Variants in SEPTIN11 observed in about 807,000 individuals in gnomAD.
SEPTIN11 encodes septin 11.
SEPTIN11 carries 25 observed loss-of-function variants against 51.4 expected under a neutral mutation model. The observed-to-expected ratio is 0.49, with a 90% CI of 0.35 to 0.68. SEPTIN11 has a LOEUF of 0.68. Among genes scored for constraint, SEPTIN11 ranks in the 30% least tolerant of loss-of-function variants. SEPTIN11 has a pLI of 0.00. For synonymous variants in SEPTIN11, 174 were observed against 184.1 expected (o/e 0.95, Z 0.44); for missense variants, 381 against 520.8 (o/e 0.73, Z 2.61).
chr4:76,950,390 G>A (rs1446197000), intron 1 of SEPTIN11, among the ~76,000 whole-genome samples: 1 of 152,198 alleles, frequency 6.6e-6, no homozygotes, highest in Non-Finnish European at 1.5e-5. Flanking sequence ...AGGTCAGAGG[G>A]GTGGGATTTC....
chr4:77,008,306 G>A (rs1438631328), intron 3 of SEPTIN11, among the ~76,000 whole-genome samples: 4 of 152,206 alleles, frequency 2.6e-5, no homozygotes, highest in South Asian at 2.1e-4. Flanking sequence ...TGTCCATGGC[G>A]TATCACTAGC....
In SEPTIN11 at chr4:77,037,914, C is replaced by A; in HGVS notation, c.*3402C>A. ...TGTGACTCACCAGCAGTAACACACA[C>A]AATCCACATCTTGTGCACCTCAAAT... On this transcript the variant is annotated 3_prime_UTR_variant, in exon 10 of 10. Transcript: ENST00000264893. 1 of 985,908 alleles carries A rather than the reference C, an allele frequency of 1.0e-6. No individual in the cohort carries two copies. Among genetic ancestry groups the A allele is most frequent in the Non-Finnish European group, 1.2e-6 (1 of 829,960 alleles). The allele number at this position is 985,908 out of a possible 1,614,324, so 61.1% of individuals were successfully genotyped here.
At chr4:77,021,877 G>T (rs1412570677) in intron 7 of SEPTIN11, among the ~76,000 whole-genome samples, 9 of 152,196 alleles carry the variant, frequency 5.9e-5, no homozygotes, top group Admixed American at 5.9e-4. Flanking sequence ...GGAGTTCCAT[G>T]AGCATGTGTG....
At position 77,036,764 on chromosome 4, in the gene SEPTIN11, T is replaced by TC. The variant is rs1560757171; in HGVS notation, c.*2253dup. The TC allele has an allele frequency of 2.0e-6, 3 of 1,535,102 alleles. No individual in the cohort carries two copies. The highest frequency in any genetic ancestry group is 1.4e-5 in the African/African-American group (1 of 72,800). On this transcript the variant is annotated 3_prime_UTR_variant, in exon 10 of 10. Coordinates refer to ENST00000264893, the MANE Select transcript of SEPTIN11 (RefSeq NM_018243.4). ...TTCTTTCTGTATCTATGCCTTTTTT[T>TC]CACAGTAGTCCTTGGCTCTGCACGG...
At chr4:77,038,796 C>T (rs2109995523), downstream of SEPTIN11, among the ~76,000 whole-genome samples, 1 of 152,246 alleles carries the variant, frequency 6.6e-6, no homozygotes, top group East Asian at 1.9e-4. Flanking sequence ...ATGTGGTGTC[C>T]TGTACTTCAC....
intron 1 of SEPTIN11, among the ~76,000 whole-genome samples, chr4:76,992,916 G>T (rs983423761): frequency 6.6e-6 from 1 of 152,196 alleles, no homozygotes; most frequent in Non-Finnish European, 1.5e-5. Context: ...GCAGTGTAAG[G>T]TGCTCCCTGG....
chr4:77,039,685 A>G (rs538951805), downstream of SEPTIN11: 19 of 984,868 alleles, frequency 1.9e-5, no homozygotes, highest in African/African-American at 3.3e-4. Flanking sequence ...ATGAACAGAG[A>G]TGGCTGCAAT....
chr4:76,978,210 C>G (rs1404555038), intron 1 of SEPTIN11, among the ~76,000 whole-genome samples: 1 of 152,176 alleles, frequency 6.6e-6, no homozygotes, highest in African/African-American at 2.4e-5. Context: ...GAAATCCACT[C>G]CAGCAGCTGG....
At chr4:77,034,252 C>T (rs1471669934) in intron 9 of SEPTIN11, among the ~76,000 whole-genome samples, 1 of 152,174 alleles carries the variant, frequency 6.6e-6, no homozygotes, top group African/African-American at 2.4e-5. Flanking sequence ...TTCAAGAAGT[C>T]ACTTGTGAAT....
At position 77,016,723 on chromosome 4, in the gene SEPTIN11, C is replaced by T. The variant is rs567726735; in HGVS notation, c.687+1706C>T. On this transcript the variant is annotated intron_variant, in intron 5 of 9. Transcript: ENST00000264893. ...CTGTAATCCCAGCACTTTGGAAGGC[C>T]GAGGAGGGAGGATCACTTGAGGCCA... Among the ~76,000 whole-genome samples, 45 of 138,772 alleles carry T rather than the reference C, an allele frequency of 3.2e-4. 3 individuals carry two copies. The East Asian group carries it at 8.0e-3, about 25-fold the overall frequency. The allele number at this position is 138,772 out of a possible 152,430, so 91.0% of individuals were successfully genotyped here.
chr4:76,982,590 A>AT (rs1308835443), intron 1 of SEPTIN11, among the ~76,000 whole-genome samples: 1 of 152,146 alleles, frequency 6.6e-6, no homozygotes. Context: ...TCTGGTCCAC[A>AT]TTCATCTCCA....
intron 8 of SEPTIN11, among the ~76,000 whole-genome samples, chr4:77,029,352 G>GTA (rs1726424822): frequency 1.3e-5 from 2 of 152,290 alleles, no homozygotes; most frequent in South Asian, 4.1e-4. Context: ...GTGTGTGTGT[G>GTA]TGTATGTGTG....
chr4:76,985,816 G>A (rs1004263334), intron 1 of SEPTIN11, among the ~76,000 whole-genome samples: 1 of 152,150 alleles, frequency 6.6e-6, no homozygotes, highest in Admixed American at 6.5e-5. Context: ...AAAATGAGAA[G>A]GTTGGAGAGT....
At chr4:76,976,899 T>C (rs1022827750) in intron 1 of SEPTIN11, among the ~76,000 whole-genome samples, 15 of 152,236 alleles carry the variant, frequency 9.9e-5, no homozygotes, top group African/African-American at 2.9e-4. Flanking sequence ...TCCCTGTCAC[T>C]TATAGCCAAC....
intron 9 of SEPTIN11, 109 bp downstream of exon 9, chr4:77,031,079 TA>T (rs1726593970): frequency 9.8e-7 from 1 of 1,019,238 alleles, no homozygotes; most frequent in Admixed American, 3.0e-5. Flanking sequence ...ACCAGAAAGA[TA>T]AAAGCAAGTA....
intron 1 of SEPTIN11, among the ~76,000 whole-genome samples, chr4:76,988,536 T>C (rs1723166489): frequency 1.3e-5 from 2 of 152,246 alleles, no homozygotes. Flanking sequence ...AGATAAAGTA[T>C]ATCACTCTGT....
intron 6 of SEPTIN11, among the ~76,000 whole-genome samples, chr4:77,019,874 T>A (rs1397037715): frequency 6.6e-6 from 1 of 152,214 alleles, no homozygotes; most frequent in Non-Finnish European, 1.5e-5. Context: ...TTAAGATGTA[T>A]CAGACCTCCT....
At chr4:76,962,821 TCA>T (rs925232162) in intron 1 of SEPTIN11, among the ~76,000 whole-genome samples, 1 of 151,910 alleles carries the variant, frequency 6.6e-6, no homozygotes, top group South Asian at 2.1e-4. Flanking sequence ...ATACACACAG[TCA>T]CACACACACA....
At chr4:77,007,042 G>T (rs981535079) in intron 3 of SEPTIN11, among the ~76,000 whole-genome samples, 1 of 152,134 alleles carries the variant, frequency 6.6e-6, no homozygotes, top group Non-Finnish European at 1.5e-5. Context: ...TTGTGCTGGG[G>T]CAGGGAACAA....
Sources: gnomAD v4.1 joint callset for allele counts (sites outside exome capture counted in the v4.1 genomes callset) on GRCh38, gnomAD v4.1.1 for gene constraint, MANE v1.5 for transcripts, NCBI Gene and HGNC (gene_info 2026-07-23, HGNC 2026-07-21) for gene names.